PDE4D: variants seen among roughly 807,000 people sequenced by gnomAD.
PDE4D encodes phosphodiesterase 4D, also known as 3',5'-cyclic-AMP phosphodiesterase 4D.
A neutral mutation model predicts 87.4 loss-of-function variants in PDE4D; 24 were observed. That is an observed-to-expected ratio of 0.27 (90% CI 0.20 to 0.39). The LOEUF (loss-of-function observed/expected upper bound fraction) is 0.39. PDE4D is among the 10% of genes least tolerant of loss of function. PDE4D has a pLI of 1.00. For synonymous variants in PDE4D, 384 were observed against 383.2 expected, an observed-to-expected ratio of 1.00 and a Z score of -0.02; for missense variants, 714 against 1,041.0, an observed-to-expected ratio of 0.69 and a Z score of 4.32.
chr5:60,342,268 A>AT lies in PDE4D; in HGVS notation c.-90+145673dup, dbSNP rs547062280. On this transcript the variant is annotated intron_variant, in intron 1 of 16. Coordinates refer to the PDE4D transcript ENST00000502484. ...TTTAAAATCATCTCCTGCTTTGACC[A>AT]TTTTTTTGCATTTACTTCTTTCCCT... is the stretch of plus-strand genomic sequence containing the variant. Among the ~76,000 whole-genome samples the AT allele has an allele frequency of 1.7e-3, 256 of 152,174 alleles. 5 individuals carry two copies. Among genetic ancestry groups the AT allele is most frequent in the Admixed American group, 0.016 (247 of 15,270 alleles).
chr5:60,361,028 C>T (rs754130061), intron 1 of PDE4D, among the ~76,000 whole-genome samples: 1 of 152,222 alleles, frequency 6.6e-6, no homozygotes, highest in African/African-American at 2.4e-5. Context: ...CAATCTCAAA[C>T]GCCACCAACA....
chr5:59,746,837 A>G (rs1285657426), intron 1 of PDE4D, among the ~76,000 whole-genome samples: 1 of 151,332 alleles, frequency 6.6e-6, no homozygotes, highest in East Asian at 2.0e-4. Flanking sequence ...CTCTGCCCCT[A>G]GTGAAGTAGG....
At chr5:59,062,486 A>G (rs1763268685) in intron 5 of PDE4D, among the ~76,000 whole-genome samples, 1 of 152,170 alleles carries the variant, frequency 6.6e-6, no homozygotes, top group African/African-American at 2.4e-5. Flanking sequence ...TTCAAAGGCA[A>G]TCAGATGTTT....
chr5:60,384,222 T>C (rs918231639), intron 1 of PDE4D, among the ~76,000 whole-genome samples: 3 of 152,234 alleles, frequency 2.0e-5, no homozygotes, highest in Admixed American at 1.3e-4. Context: ...TTCCAAGTAC[T>C]GAACTTCATA....
intron 1 of PDE4D, among the ~76,000 whole-genome samples, chr5:59,739,735 A>T (rs1443530301): frequency 1.3e-5 from 2 of 152,184 alleles, no homozygotes; most frequent in African/African-American, 4.8e-5. Context: ...AACTCTATAC[A>T]TCATATTTCT....
chr5:59,153,762 T>C (rs1779775897), intron 5 of PDE4D, among the ~76,000 whole-genome samples: 1 of 137,938 alleles, frequency 7.2e-6, no homozygotes, highest in Admixed American at 7.2e-5. Context: ...GTTTTTTTTT[T>C]TGTTGTTGTT....
At chr5:59,787,778 T>C (rs961615392) in intron 1 of PDE4D, among the ~76,000 whole-genome samples, 4 of 152,200 alleles carry the variant, frequency 2.6e-5, no homozygotes, top group African/African-American at 7.2e-5. Flanking sequence ...ACTCCTTGAA[T>C]TTGTATGTCT....
chr5:60,060,274 A>T lies in PDE4D; in HGVS notation c.43-71557T>A, dbSNP rs759244864. 5.3e-5 allele frequency among the ~76,000 whole-genome samples: 8 copies of T among 152,216 alleles called. No individual in the cohort carries two copies. In the South Asian group the frequency reaches 6.2e-4, roughly 12 times the overall value. ...AAGTTACTCTAAAAAGGGAATTTTTAAGTTAATTCAGTTATTTGATTTATC... is the reference window on the plus strand; with the variant it reads ...AAGTTACTCTAAAAAGGGAATTTTTTAGTTAATTCAGTTATTTGATTTATC... On this transcript the variant is annotated intron_variant, in intron 2 of 16. Coordinates refer to the PDE4D transcript ENST00000502484.
At chr5:60,437,664 C>A (rs1053662275) in intron 1 of PDE4D, among the ~76,000 whole-genome samples, 6 of 152,072 alleles carry the variant, frequency 3.9e-5, no homozygotes, top group African/African-American at 1.4e-4. Context: ...AATACCCTTT[C>A]TTTGAACATA....
rs1751192321 is a variant in PDE4D, at chr5:59,216,070, AG to A, written c.456-103del. ...CTGAGGAACTGACAGTGGAATTAGCAGGAATGAAAATTACAGCTAATTTCTG... is the reference window on the plus strand; with the variant it reads ...CTGAGGAACTGACAGTGGAATTAGCAGAATGAAAATTACAGCTAATTTCTG... On this transcript the variant is annotated intron_variant, in intron 1 of 14. Transcript: ENST00000340635. The A allele has an allele frequency of 6.6e-6, 5 of 758,240 alleles. No homozygotes were observed. The East Asian group carries it at 1.4e-4, about 21-fold the overall frequency. 47.0% of individuals were successfully genotyped at this position (758,240 alleles called of 1,614,324 possible). A position where few individuals can be genotyped will look rare whatever the true frequency, so the allele number is the denominator to read the frequency against.
At chr5:59,152,663 T>A (rs188014167) in intron 5 of PDE4D, among the ~76,000 whole-genome samples, 20 of 152,238 alleles carry the variant, frequency 1.3e-4, no homozygotes, top group Admixed American at 1.1e-3. Flanking sequence ...TTGATGGGAT[T>A]AACTAAATTG....
At chr5:59,622,623 A>G (rs1330460028) in intron 1 of PDE4D, among the ~76,000 whole-genome samples, 1 of 152,114 alleles carries the variant, frequency 6.6e-6, no homozygotes, top group African/African-American at 2.4e-5. Flanking sequence ...TTTCTCCGAC[A>G]TTTGTCTCTT....
chr5:59,345,091 T>C (rs542436835), intron 1 of PDE4D, among the ~76,000 whole-genome samples: 2 of 151,938 alleles, frequency 1.3e-5, no homozygotes, highest in South Asian at 4.2e-4. Flanking sequence ...ATAATGACTA[T>C]AATGACAAAA....
chr5:60,027,130 G>C (rs1213323010), intron 2 of PDE4D, among the ~76,000 whole-genome samples: 1 of 151,934 alleles, frequency 6.6e-6, no homozygotes. Flanking sequence ...ACATGGATAT[G>C]TTGCATGATG....
intron 1 of PDE4D, among the ~76,000 whole-genome samples, chr5:60,300,187 G>C (rs1209722972): frequency 6.6e-6 from 1 of 152,134 alleles, no homozygotes; most frequent in Non-Finnish European, 1.5e-5. Context: ...TTGGCTGCAT[G>C]AATGTTTTCT....
At chr5:59,357,200 C>G (rs941509076) in intron 1 of PDE4D, among the ~76,000 whole-genome samples, 1 of 152,138 alleles carries the variant, frequency 6.6e-6, no homozygotes, top group African/African-American at 2.4e-5. Flanking sequence ...CACACACACA[C>G]GCATGCACAC....
chr5:59,637,750 G>A (rs979958197), intron 1 of PDE4D, among the ~76,000 whole-genome samples: 4 of 152,054 alleles, frequency 2.6e-5, no homozygotes, highest in South Asian at 2.1e-4. Context: ...GGGGCCTGTC[G>A]GGGGGTTGGG....
intron 2 of PDE4D, among the ~76,000 whole-genome samples, chr5:60,013,670 T>C (rs1487786635): frequency 6.6e-6 from 1 of 152,240 alleles, no homozygotes; most frequent in Non-Finnish European, 1.5e-5. Context: ...GATTGTTATA[T>C]GGGTGACCCA....
chr5:59,262,462 C>A (rs1022087003), intron 1 of PDE4D, among the ~76,000 whole-genome samples: 3 of 151,552 alleles, frequency 2.0e-5, no homozygotes, highest in African/African-American at 7.3e-5. Flanking sequence ...AGCCTAATTT[C>A]TTGCCATTCC....
Sources: allele counts gnomAD v4.1 joint callset (sites outside exome capture counted in the v4.1 genomes callset), GRCh38; gene constraint gnomAD v4.1.1; transcripts MANE v1.5; gene names NCBI Gene and HGNC (gene_info 2026-07-23, HGNC 2026-07-21).